Variants in ROCK1 observed in about 807,000 individuals in gnomAD.
ROCK1 encodes the protein rho-associated protein kinase 1.
ROCK1 carries 36 observed loss-of-function variants against 196.8 expected under a neutral mutation model. The observed-to-expected ratio is 0.18, with a 90% CI of 0.14 to 0.24. The LOEUF (loss-of-function observed/expected upper bound fraction) is 0.24. Ranked by LOEUF, ROCK1 falls within the 10% of genes least tolerant of loss-of-function variation. ROCK1 has a pLI of 1.00. For synonymous variants in ROCK1, 443 were observed against 515.9 expected, an observed-to-expected ratio of 0.86 and a Z score of 1.91; for missense variants, 920 against 1,562.0, an observed-to-expected ratio of 0.59 and a Z score of 6.93.
At chr18:21,054,854 A>C (rs1425757448) in intron 2 of ROCK1, among the ~76,000 whole-genome samples, 1 of 152,002 alleles carries the variant, frequency 6.6e-6, no homozygotes, top group African/African-American at 2.4e-5. Flanking sequence ...ATTACTCATA[A>C]TTATAATCTT....
intron 9 of ROCK1, among the ~76,000 whole-genome samples, chr18:21,032,054 G>T (rs1285877054): frequency 6.6e-6 from 1 of 152,160 alleles, no homozygotes; most frequent in Non-Finnish European, 1.5e-5. Flanking sequence ...AAGACTATTT[G>T]AAGAAATAAT....
intron 22 of ROCK1, among the ~76,000 whole-genome samples, chr18:20,977,853 G>T (rs2035494730): frequency 6.6e-6 from 1 of 152,132 alleles, no homozygotes; most frequent in Non-Finnish European, 1.5e-5. Context: ...CAAATGGTAG[G>T]TAACAGACTA....
At chr18:20,980,230 T>C (rs1487001480) in intron 21 of ROCK1, among the ~76,000 whole-genome samples, 1 of 151,128 alleles carries the variant, frequency 6.6e-6, no homozygotes, top group Non-Finnish European at 1.5e-5. Flanking sequence ...CATCCATCAA[T>C]ACATGGGTTA....
At chr18:21,086,081 C>T (rs936206871) in intron 1 of ROCK1, among the ~76,000 whole-genome samples, 1 of 150,828 alleles carries the variant, frequency 6.6e-6, no homozygotes, top group African/African-American at 2.4e-5. Context: ...ACATGTCATA[C>T]ATTCTTTGGT....
intron 1 of ROCK1, among the ~76,000 whole-genome samples, chr18:21,075,420 T>C (rs1353112533): frequency 1.3e-5 from 2 of 152,130 alleles, no homozygotes; most frequent in African/African-American, 2.4e-5. Context: ...TTTGGAGAGA[T>C]GATAAATATT....
chr18:21,043,432 CA>C (rs1471087074), intron 6 of ROCK1, among the ~76,000 whole-genome samples: 1 of 151,726 alleles, frequency 6.6e-6, no homozygotes, highest in Admixed American at 6.6e-5. Context: ...AGTTCTCATG[CA>C]GTGTTTCCTT....
chr18:21,028,872 T>A lies in ROCK1; in HGVS notation c.1115A>T (p.Glu372Val). ...DIDTSNFDDL[E>V]EDKGEEETFP... ...TGTTTCTTCCTCTCCTTTATCTTCT[T>A]CCAAGTCATCAAAATTACTAGTATC... is the stretch of plus-strand genomic sequence containing the variant. The change falls in exon 10 of 33, where the codon GAA becomes GTA. Residue 372 changes from glutamate (E) to valine (V), a missense_variant. Transcript: ENST00000399799. The A allele has an allele frequency of 6.2e-7, 1 of 1,612,750 alleles. No homozygotes were observed. The highest frequency in any genetic ancestry group is 8.5e-7 in the Non-Finnish European group (1 of 1,179,544).
At chr18:21,034,751 C>A in intron 9 of ROCK1, among the ~76,000 whole-genome samples, 1 of 152,058 alleles carries the variant, frequency 6.6e-6, no homozygotes, top group East Asian at 1.9e-4. Flanking sequence ...TTCTTAAATA[C>A]GAAGCCAAAG....
intron 22 of ROCK1, among the ~76,000 whole-genome samples, chr18:20,972,621 G>A (rs951339430): frequency 6.6e-6 from 1 of 152,236 alleles, no homozygotes; most frequent in Non-Finnish European, 1.5e-5. Flanking sequence ...TGGTGTCACA[G>A]AAGCCAAATG....
At chr18:21,009,690 A>C (rs1193101915) in intron 13 of ROCK1, among the ~76,000 whole-genome samples, 1 of 152,134 alleles carries the variant, frequency 6.6e-6, no homozygotes, top group Admixed American at 6.5e-5. Flanking sequence ...CAAGTGATCT[A>C]GTTTCTCCAT....
chr18:21,080,906 C>T (rs1185650411), intron 1 of ROCK1, among the ~76,000 whole-genome samples: 1 of 151,906 alleles, frequency 6.6e-6, no homozygotes, highest in Non-Finnish European at 1.5e-5. Context: ...ATACATAGTT[C>T]TACAAATAGT....
chr18:21,103,146 A>G (rs1359032450), intron 1 of ROCK1, among the ~76,000 whole-genome samples: 1 of 152,212 alleles, frequency 6.6e-6, no homozygotes. Flanking sequence ...GAAGAAAATC[A>G]TATCTTTACA....
Position 21,099,621 on chromosome 18 carries a change from T to C in ROCK1, c.93+11197A>G, listed in dbSNP as rs1166936561. 2.0e-5 allele frequency among the ~76,000 whole-genome samples: 3 copies of C among 152,146 alleles called. No individual in the cohort carries two copies. The East Asian group carries it at 5.8e-4, about 29-fold the overall frequency. On this transcript the variant is annotated intron_variant, in intron 1 of 32. Transcript: ENST00000399799. ...TCAGCCAGGCATGGTAACACGTGCC[T>C]ATAGTCCCAGCCGCTCAGGAAACTG... is the stretch of plus-strand genomic sequence containing the variant.
intron 2 of ROCK1, among the ~76,000 whole-genome samples, chr18:21,055,189 C>T (rs2036236645): frequency 6.6e-6 from 1 of 152,170 alleles, no homozygotes; most frequent in Non-Finnish European, 1.5e-5. Flanking sequence ...TCTATGTCAG[C>T]ACCCATGCAG....
At chr18:21,101,442 T>C (rs1598563720) in intron 1 of ROCK1, among the ~76,000 whole-genome samples, 1 of 152,316 alleles carries the variant, frequency 6.6e-6, no homozygotes, top group East Asian at 1.9e-4. Context: ...ATCTATTGAG[T>C]ACCCTTGACT....
At chr18:20,981,151 T>C (rs1210390496) in intron 21 of ROCK1, among the ~76,000 whole-genome samples, 1 of 151,910 alleles carries the variant, frequency 6.6e-6, no homozygotes, top group Admixed American at 6.6e-5. Context: ...TTCCAGCACT[T>C]TGGGAGGCCG....
chr18:21,024,006 G>A (rs1175844201), intron 10 of ROCK1, among the ~76,000 whole-genome samples: 2 of 152,132 alleles, frequency 1.3e-5, no homozygotes, highest in African/African-American at 4.8e-5. Flanking sequence ...TTCTGGTCAT[G>A]AGAGCAGGTT....
chr18:21,053,415 T>C (rs566251097), intron 2 of ROCK1, among the ~76,000 whole-genome samples: 1 of 152,334 alleles, frequency 6.6e-6, no homozygotes, highest in South Asian at 2.1e-4. Context: ...TAGTGAGTGC[T>C]TAGTCTGGGA....
chr18:21,071,422 CT>C (rs1202079138), intron 1 of ROCK1, among the ~76,000 whole-genome samples: 1 of 152,134 alleles, frequency 6.6e-6, no homozygotes, highest in African/African-American at 2.4e-5. Flanking sequence ...GCAATTGCTC[CT>C]GTCTCAGAGT....
Sources: gnomAD v4.1 joint callset for allele counts (sites outside exome capture counted in the v4.1 genomes callset) on GRCh38, gnomAD v4.1.1 for gene constraint, MANE v1.5 for transcripts, NCBI Gene and HGNC (gene_info 2026-07-23, HGNC 2026-07-21) for gene names.